ATG16L1: variants seen among roughly 807,000 people sequenced by gnomAD.
ATG16L1 encodes autophagy related 16 like 1.
Under a neutral mutation model 88.5 loss-of-function variants are expected in ATG16L1, and 37 were observed. The observed-to-expected ratio is 0.42, with a 90% CI of 0.32 to 0.55. The LOEUF (loss-of-function observed/expected upper bound fraction) is 0.55. Among genes scored for constraint, ATG16L1 ranks in the 20% least tolerant of loss-of-function variants. The probability of loss-of-function intolerance (pLI) is 0.13; values close to 1 mark genes in which losing one functional copy is unlikely to be tolerated. For synonymous variants in ATG16L1, 301 were observed against 281.0 expected, an observed-to-expected ratio of 1.07 and a Z score of -0.71; for missense variants, 554 against 752.8, an observed-to-expected ratio of 0.74 and a Z score of 3.09.
intron 12 of ATG16L1, among the ~76,000 whole-genome samples, chr2:233,289,406 TGTGA>T (rs2125294269): frequency 7.9e-6 from 1 of 127,056 alleles, no homozygotes; most frequent in South Asian, 2.6e-4. Flanking sequence ...TGTGTGTGTG[TGTGA>T]CAGGATCTTG....
At chr2:233,289,408 T>TGCGTGTGTGTGTGAGAGAGAGA (rs144316394) in intron 12 of ATG16L1, among the ~76,000 whole-genome samples, 1 of 149,536 alleles carries the variant, frequency 6.7e-6, no homozygotes, top group Admixed American at 6.6e-5. Flanking sequence ...TGTGTGTGTG[T>TGCGTGTGTGTGTGAGAGAGAGA]GACAGGATCT....
intron 5 of ATG16L1, 74 bp downstream of exon 5, chr2:233,265,217 T>A: frequency 6.4e-7 from 1 of 1,552,734 alleles, no homozygotes; most frequent in African/African-American, 1.4e-5. Context: ...AAGAAAGAGA[T>A]AAACCTGGCA....
intron 12 of ATG16L1, chr2:233,288,705 T>A: frequency 2.0e-6 from 1 of 511,448 alleles, no homozygotes; most frequent in Non-Finnish European, 3.9e-6. Context: ...AAGGTCTGAG[T>A]CCTCAGATCC....
chr2:233,258,723 GTCTC>G (rs1166853204), intron 2 of ATG16L1, among the ~76,000 whole-genome samples: 1 of 152,138 alleles, frequency 6.6e-6, no homozygotes, highest in African/African-American at 2.4e-5. Context: ...TTGAGGCAGG[GTCTC>G]TCTCTGTTGC....
intron 11 of ATG16L1, among the ~76,000 whole-genome samples, chr2:233,282,191 G>A (rs932655624): frequency 6.6e-6 from 1 of 152,360 alleles, no homozygotes; most frequent in South Asian, 2.1e-4. Flanking sequence ...CTTGGAGGAA[G>A]CAGGTCTGCA....
At chr2:233,290,021 C>T (rs752638864) in intron 13 of ATG16L1, 47 bp downstream of exon 13, 5 of 1,601,402 alleles carry the variant, frequency 3.1e-6, no homozygotes, top group East Asian at 2.2e-5. Flanking sequence ...TAGATGTTAG[C>T]GTGGAGGTGT....
chr2:233,273,092 G>A (rs1698102211), intron 7 of ATG16L1, 40 bp downstream of exon 7: 1 of 1,520,006 alleles, frequency 6.6e-7, no homozygotes. Context: ...GACAGCTTGA[G>A]GAGCAATATG....
At chr2:233,271,039 C>G (rs1235154842) in intron 6 of ATG16L1, among the ~76,000 whole-genome samples, 5 of 152,166 alleles carry the variant, frequency 3.3e-5, no homozygotes, top group Non-Finnish European at 7.3e-5. Context: ...ACGTGTGTGT[C>G]TGCACTCTCA....
chr2:233,286,773 C>A (rs1699117402), intron 12 of ATG16L1, among the ~76,000 whole-genome samples: 1 of 151,592 alleles, frequency 6.6e-6, no homozygotes, highest in Non-Finnish European at 1.5e-5. Context: ...CTACAGGCGC[C>A]CGCCACCACG....
chr2:233,264,821 A>G (rs1697456747), intron 4 of ATG16L1, 71 bp from the exon 5 acceptor site: 2 of 1,585,178 alleles, frequency 1.3e-6, no homozygotes, highest in East Asian at 4.5e-5. Flanking sequence ...TTAAGCACTC[A>G]GCCAGGTCCG....
intron 10 of ATG16L1, 87 bp downstream of exon 10, chr2:233,277,760 G>A (rs1342635955): frequency 1.6e-6 from 2 of 1,223,562 alleles, no homozygotes; most frequent in Non-Finnish European, 2.4e-6. Context: ...CTGGCATCTG[G>A]TTGACCTTGC....
intron 12 of ATG16L1, among the ~76,000 whole-genome samples, chr2:233,283,598 TGG>T (rs1698868160): frequency 2.0e-5 from 3 of 151,952 alleles, no homozygotes; most frequent in African/African-American, 7.3e-5. Flanking sequence ...TGCTCTTGTG[TGG>T]GGTACAGTAG....
chr2:233,272,952 G>A lies in ATG16L1; in HGVS notation c.708-14G>A, dbSNP rs751072985. On this transcript the variant is annotated splice_polypyrimidine_tract_variant and intron_variant, in intron 6 of 17. Coordinates refer to ENST00000392017, the MANE Select transcript of ATG16L1 (RefSeq NM_030803.7). ...GTTCAGGAGAATCAAAGAATGTCTT[G>A]CCTTTCTTTCCAGGGATGATGACAT... 6 of 1,609,444 alleles carry A rather than the reference G, an allele frequency of 3.7e-6. No individual in the cohort carries two copies. The highest frequency in any genetic ancestry group is 1.3e-5 in the African/African-American group (1 of 74,838).
chr2:233,274,842 G>T, intron 9 of ATG16L1, 64 bp downstream of exon 9: 2 of 1,269,820 alleles, frequency 1.6e-6, no homozygotes, highest in South Asian at 2.5e-5. Context: ...GGCAATTAAA[G>T]GGTCCTTTCT....
chr2:233,262,705 CT>C (rs1460889423), intron 2 of ATG16L1, among the ~76,000 whole-genome samples: 3 of 152,188 alleles, frequency 2.0e-5, no homozygotes, highest in Non-Finnish European at 4.4e-5. Context: ...TGTTCCCCTT[CT>C]TGTGCTTGAG....
intron 8 of ATG16L1, 161 bp from the exon 9 acceptor site, chr2:233,274,515 T>C: frequency 1.8e-6 from 1 of 542,752 alleles, no homozygotes; most frequent in Non-Finnish European, 3.2e-6. Context: ...GTGCTTTTGA[T>C]TTTTTTGTGA....
At chr2:233,283,153 T>C (rs2125275599) in intron 12 of ATG16L1, among the ~76,000 whole-genome samples, 1 of 152,270 alleles carries the variant, frequency 6.6e-6, no homozygotes, top group Admixed American at 6.5e-5. Flanking sequence ...AAGACAATTC[T>C]GAAACAAAAA....
In ATG16L1 at chr2:233,258,248, A is replaced by G. The variant is rs1696955727; in HGVS notation, c.209+2053A>G. Among the ~76,000 whole-genome samples, 4 of 152,198 alleles carry G rather than the reference A, an allele frequency of 2.6e-5. No individual in the cohort carries two copies. The South Asian group carries it at 8.3e-4, about 32-fold the overall frequency. On this transcript the variant is annotated intron_variant, in intron 2 of 17. Transcript: ENST00000392017. Reference sequence around the variant, plus strand: ...CATTATTGCTCTGAAATCTCCACACATTTAGCAATTGTAAAAACAAGGTTG... The same window carrying G: ...CATTATTGCTCTGAAATCTCCACACGTTTAGCAATTGTAAAAACAAGGTTG...
At chr2:233,274,553 AG>A in intron 8 of ATG16L1, 122 bp from the exon 9 acceptor site, 1 of 638,614 alleles carries the variant, frequency 1.6e-6, no homozygotes, top group Non-Finnish European at 2.7e-6. Flanking sequence ...AGAATCTAGA[AG>A]GACAGGCTAT....
Sources: gnomAD v4.1 joint callset for allele counts (sites outside exome capture counted in the v4.1 genomes callset) on GRCh38, gnomAD v4.1.1 for gene constraint, MANE v1.5 for transcripts, NCBI Gene and HGNC (gene_info 2026-07-23, HGNC 2026-07-21) for gene names.